The following N4BP3 variants were observed in gnomAD, a reference collection of about 807,000 sequenced individuals.
N4BP3 encodes the protein NEDD4 binding protein 3.
N4BP3 carries 33 observed loss-of-function variants against 43.8 expected under a neutral mutation model. The ratio of observed to expected loss-of-function variants is 0.75; its 90% CI spans 0.57 to 1.01. The LOEUF (loss-of-function observed/expected upper bound fraction) is 1.01. Among genes scored for constraint, N4BP3 ranks in the 50% least tolerant of loss-of-function variants. N4BP3 has a pLI of 0.00. For synonymous variants in N4BP3, 326 were observed against 321.9 expected, an observed-to-expected ratio of 1.01 and a Z score of -0.14; for missense variants, 756 against 744.2, an observed-to-expected ratio of 1.02 and a Z score of -0.18.
intron 1 of N4BP3, among the ~76,000 whole-genome samples, chr5:178,114,856 C>T (rs933887391): frequency 2.0e-5 from 3 of 152,302 alleles, no homozygotes; most frequent in South Asian, 4.1e-4. Context: ...CCTGGTGGAC[C>T]GCAGTCTAGG....
At position 178,113,695 on chromosome 5, in the gene N4BP3, G is replaced by T. The variant is rs966984911; in HGVS notation, c.-107G>T. On this transcript the variant is annotated 5_prime_UTR_variant, in exon 1 of 5. The change creates a new upstream start codon in the 5' untranslated region. Transcript: ENST00000274605. ...CGGCCCGAGCCGACGCCTTGCAGGA[G>T]GGTTCAAATCCGCGCGGGGGAGCTG... 6.6e-6 allele frequency: 1 copy of T among 152,050 alleles called. No individual in the cohort carries two copies. The highest frequency in any genetic ancestry group is 1.5e-5 in the Non-Finnish European group (1 of 67,990). 9.4% of individuals were successfully genotyped at this position (152,050 alleles called of 1,614,324 possible). A position where few individuals can be genotyped will look rare whatever the true frequency, so the allele number is the denominator to read the frequency against.
Position 178,122,210 on chromosome 5 carries a change from C to T in N4BP3, c.*209C>T. 3.4e-6 allele frequency: 2 copies of T among 592,670 alleles called. No individual in the cohort carries two copies. Among genetic ancestry groups the T allele is most frequent in the Admixed American group, 7.0e-5 (2 of 28,588 alleles). The allele number at this position is 592,670 out of a possible 1,614,324, so 36.7% of individuals were successfully genotyped here. On this transcript the variant is annotated 3_prime_UTR_variant, in exon 5 of 5. Coordinates refer to ENST00000274605, the MANE Select transcript of N4BP3 (RefSeq NM_015111.2). ...ACAAGGCCCTCCTGGCAGAGGAGCA[C>T]CTAGGCAGGGCCCAGCCCTGCTTCC... is the stretch of plus-strand genomic sequence containing the variant.
chr5:178,122,112 G>T lies in N4BP3; in HGVS notation c.*111G>T. On this transcript the variant is annotated 3_prime_UTR_variant, in exon 5 of 5. Transcript: ENST00000274605. Reference sequence around the variant, plus strand: ...TGGAACCTGCAGAGGCCAGCCCGGGGCTGGGGAGGCGCAAGGAGAGGAGGG... The same window carrying T: ...TGGAACCTGCAGAGGCCAGCCCGGGTCTGGGGAGGCGCAAGGAGAGGAGGG... The T allele has an allele frequency of 7.4e-7, 1 of 1,343,840 alleles. No homozygotes were observed. Among genetic ancestry groups the T allele is most frequent in the Non-Finnish European group, 9.9e-7 (1 of 1,013,290 alleles). The allele number at this position is 1,343,840 out of a possible 1,614,324, so 83.2% of individuals were successfully genotyped here.
Position 178,121,930 on chromosome 5 carries a change from G to T in N4BP3, c.1564G>T (p.Glu522Ter), listed in dbSNP as rs1345046877. ...CATGTACCGCCGCAACCAGGCACTG[G>T]AGCAGGAACTGCGGGCACTGCGGGA... ...MDMYRRNQAL[E>*]QELRALREPP... Residue 522 changes from glutamate (E) to a stop codon, truncating the protein, a stop_gained, in exon 5 of 5, where the codon GAG becomes TAG. Transcript: ENST00000274605. LOFTEE classifies it high-confidence loss of function. 2 of 1,612,278 alleles carry T rather than the reference G, an allele frequency of 1.2e-6. No homozygotes were observed. Among genetic ancestry groups the T allele is most frequent in the Non-Finnish European group, 1.7e-6 (2 of 1,179,844 alleles).
At position 178,120,332 on chromosome 5, in the gene N4BP3, C is replaced by T; in HGVS notation, c.485C>T (p.Pro162Leu). ...LACHPPLSPG[P>L]RASQARAQLL... The stretch of plus-strand genomic sequence containing the variant: ...TGCCACCCGCCCCTGAGCCCCGGGC[C>T]CCGGGCCAGCCAGGCCCGGGCACAG... Residue 162 changes from proline (P) to leucine (L), a missense_variant, in exon 3 of 5, where the codon CCC becomes CTC. By Grantham distance (98) the Pro-to-Leu change is moderately conservative. Coordinates refer to ENST00000274605, the MANE Select transcript of N4BP3 (RefSeq NM_015111.2). The T allele has an allele frequency of 1.2e-6, 2 of 1,607,604 alleles. No homozygotes were observed. The highest frequency in any genetic ancestry group is 1.7e-6 in the Non-Finnish European group (2 of 1,176,368).
intron 1 of N4BP3, among the ~76,000 whole-genome samples, chr5:178,116,574 G>T (rs1268846923): frequency 6.6e-6 from 1 of 152,220 alleles, no homozygotes; most frequent in Non-Finnish European, 1.5e-5. Context: ...CTGTATGATT[G>T]TGTTTGCTGC....
chr5:178,122,022 A>G lies in N4BP3; in HGVS notation c.*21A>G. 1 of 1,565,902 alleles carries G rather than the reference A, an allele frequency of 6.4e-7. No individual in the cohort carries two copies. Among genetic ancestry groups the G allele is most frequent in the Non-Finnish European group, 8.6e-7 (1 of 1,157,220 alleles). Reference sequence around the variant, plus strand: ...TCTGAGGCCAGCAGAGCGAGCTGACAGCAGCAACACTGTCAGAAGGTGCCC... The same window carrying G: ...TCTGAGGCCAGCAGAGCGAGCTGACGGCAGCAACACTGTCAGAAGGTGCCC... On this transcript the variant is annotated 3_prime_UTR_variant, in exon 5 of 5. Transcript: ENST00000274605.
chr5:178,115,866 A>C (rs1000543544), intron 1 of N4BP3, among the ~76,000 whole-genome samples: 1 of 152,178 alleles, frequency 6.6e-6, no homozygotes, highest in South Asian at 2.1e-4. Flanking sequence ...CAGAGATTCC[A>C]GTGCTGCCTG....
In N4BP3 at chr5:178,120,679, G is replaced by A. The variant is rs142986957; in HGVS notation, c.832G>A (p.Gly278Ser). ...ELKRGLGDEDGSNPFTQVLEE... is the reference protein window; with the variant it reads ...ELKRGLGDEDSSNPFTQVLEE... ...CAAGAGGGGCCTTGGCGATGAGGACGGCTCCAACCCCTTCACGCAGGTGAG... is the reference window on the plus strand; with the variant it reads ...CAAGAGGGGCCTTGGCGATGAGGACAGCTCCAACCCCTTCACGCAGGTGAG... The change falls in exon 3 of 5, where the codon GGC (glycine) becomes AGC (serine). Residue 278 changes from glycine (G) to serine (S), a missense_variant. Gly to Ser is a moderately conservative substitution (Grantham distance 56, BLOSUM62 0). Transcript: ENST00000274605. 141 of 1,596,432 alleles carry A rather than the reference G, an allele frequency of 8.8e-5. No individual in the cohort carries two copies. Among genetic ancestry groups the A allele is most frequent in the Admixed American group, 1.7e-4 (10 of 59,772 alleles).
At chr5:178,116,943 C>T (rs1757786106) in intron 1 of N4BP3, among the ~76,000 whole-genome samples, 2 of 152,172 alleles carry the variant, frequency 1.3e-5, no homozygotes, top group African/African-American at 2.4e-5. Flanking sequence ...TGAGGAAAGC[C>T]GGGCAGGCGG....
At chr5:178,114,334 C>G (rs1298875436) in intron 1 of N4BP3, among the ~76,000 whole-genome samples, 2 of 152,234 alleles carry the variant, frequency 1.3e-5, no homozygotes, top group African/African-American at 4.8e-5. Context: ...AGATCTCTCG[C>G]TTCCTCCCAC....
In N4BP3 at chr5:178,119,744, A is replaced by T; in HGVS notation, c.161A>T (p.Glu54Val). ...CTCCGGAAGGGCTTGGGCCAGCGTGAGTTCCTCAGCTACCTGCACCTCCCC... is the reference window on the plus strand; with the variant it reads ...CTCCGGAAGGGCTTGGGCCAGCGTGTGTTCCTCAGCTACCTGCACCTCCCC... The part of the protein sequence containing the change: ...GLLRKGLGQR[E>V]FLSYLHLPKK... Residue 54 changes from glutamate to valine, a missense_variant, in exon 2 of 5, where the codon GAG becomes GTG. Glu to Val is a moderately radical substitution (Grantham distance 121). Coordinates refer to ENST00000274605, the MANE Select transcript of N4BP3 (RefSeq NM_015111.2). 1 of 1,613,522 alleles carries T rather than the reference A, an allele frequency of 6.2e-7. No homozygotes were observed. Among genetic ancestry groups the T allele is most frequent in the Non-Finnish European group, 8.5e-7 (1 of 1,179,982 alleles).
chr5:178,120,636 C>G lies in N4BP3; in HGVS notation c.789C>G (p.Pro263=). 6.2e-7 allele frequency: 1 copy of G among 1,607,714 alleles called. No homozygotes were observed. The change falls in exon 3 of 5, where the codon CCC becomes CCG. Residue 263 remains proline (P), a synonymous_variant. Coordinates refer to ENST00000274605, the MANE Select transcript of N4BP3 (RefSeq NM_015111.2). ...CCGAGGAAATGGGAGCCGTGCTGCC[C>G]GAGACCTGTGAGGAGCTCAAGAGGG... The part of the protein sequence containing the change: ...SSAEEMGAVL[P]ETCEELKRGL...
At chr5:178,126,913 C>T (rs771962896), downstream of N4BP3, among the ~76,000 whole-genome samples, 1 of 152,206 alleles carries the variant, frequency 6.6e-6, no homozygotes, top group African/African-American at 2.4e-5. Flanking sequence ...AAACCTCAGG[C>T]CCCAGTTTTT....
In N4BP3 at chr5:178,119,559, G is replaced by A; in HGVS notation, c.-25G>A. On this transcript the variant is annotated 5_prime_UTR_variant, in exon 2 of 5. Transcript: ENST00000274605. The stretch of plus-strand genomic sequence containing the variant: ...TGGAGCCTCCCAATTCCCAGAAGCA[G>A]CTGCCTGTACCCTGTTGAAACTTCA... 6.6e-7 allele frequency: 1 copy of A among 1,511,620 alleles called. No homozygotes were observed. The highest frequency in any genetic ancestry group is 1.3e-5 in the South Asian group (1 of 74,480). 93.6% of individuals were successfully genotyped at this position (1,511,620 alleles called of 1,614,324 possible).
chr5:178,125,440 T>G lies in N4BP3; in HGVS notation c.*3439T>G, dbSNP rs886815668. The G allele has an allele frequency of 3.7e-4, 56 of 152,454 alleles. No individual in the cohort carries two copies. The highest frequency in any genetic ancestry group is 1.3e-3 in the African/African-American group (52 of 41,464). The allele number at this position is 152,454 out of a possible 1,614,324, so 9.4% of individuals were successfully genotyped here. A position where few individuals can be genotyped will look rare whatever the true frequency, so the allele number is the denominator to read the frequency against. ...GGAGCAGGCAGAGGAAGCCTATCTG[T>G]GGGGCTGGGTACATTTCTCTGAGAC... On this transcript the variant is annotated 3_prime_UTR_variant, in exon 5 of 5. Transcript: ENST00000274605.
intron 1 of N4BP3, among the ~76,000 whole-genome samples, chr5:178,117,369 A>G (rs1757795657): frequency 6.6e-6 from 1 of 152,096 alleles, no homozygotes; most frequent in African/African-American, 2.4e-5. Flanking sequence ...GACCAATCCT[A>G]GGTCCCACTA....
intron 1 of N4BP3, among the ~76,000 whole-genome samples, chr5:178,119,079 T>C (rs745760872): frequency 3.4e-4 from 52 of 152,284 alleles, no homozygotes; most frequent in Non-Finnish European, 5.9e-4. Context: ...TTAGCCAGGA[T>C]GGTCTGCGTT....
At chr5:178,120,026 A>G (rs1757875176) in intron 2 of N4BP3, 113 bp downstream of exon 2, 7 of 1,470,924 alleles carry the variant, frequency 4.8e-6, no homozygotes, top group Non-Finnish European at 6.4e-6. Flanking sequence ...AAATCGTGCT[A>G]TGGGCTGGCC....
Sources: gnomAD v4.1 joint callset for allele counts (sites outside exome capture counted in the v4.1 genomes callset) on GRCh38, gnomAD v4.1.1 for gene constraint, MANE v1.5 for transcripts, NCBI Gene and HGNC (gene_info 2026-07-23, HGNC 2026-07-21) for gene names.